The following SSH2 variants were observed in gnomAD, a reference collection of about 807,000 sequenced individuals.
SSH2 encodes the protein protein phosphatase Slingshot homolog 2.
In SSH2, 37 loss-of-function variants were observed where a neutral mutation model predicts 135.2. The ratio of observed to expected loss-of-function variants is 0.27; its 90% confidence interval spans 0.21 to 0.36. The LOEUF is 0.36. Ranked by LOEUF, SSH2 falls within the 10% of genes least tolerant of loss-of-function variation. SSH2 has a pLI of 1.00. For synonymous variants in SSH2, 628 were observed against 646.2 expected (o/e 0.97, Z 0.43); for missense variants, 1,408 against 1,765.3 (o/e 0.80, Z 3.63).
chr17:29,706,944 G>C (rs947979547), intron 3 of SSH2: 1 of 152,190 alleles, frequency 6.6e-6, no homozygotes, highest in African/African-American at 2.4e-5. Context: ...ACGAGGTCAG[G>C]AGATCGAGAC....
intron 2 of SSH2, among the ~76,000 whole-genome samples, chr17:29,839,829 G>A (rs936113186): frequency 2.6e-5 from 4 of 152,178 alleles, no homozygotes; most frequent in African/African-American, 7.2e-5. Context: ...TCCAGCATAA[G>A]TTAAAGAGCA....
intron 1 of SSH2, among the ~76,000 whole-genome samples, chr17:29,882,613 G>A (rs1228693289): frequency 3.0e-5 from 3 of 99,888 alleles, no homozygotes; most frequent in Admixed American, 2.5e-4. Context: ...TTAGCTGGGC[G>A]CAGTGGCGGG....
chr17:29,841,892 A>ATTTTTTTTTT (rs770836134), intron 2 of SSH2, among the ~76,000 whole-genome samples: 18 of 99,650 alleles, frequency 1.8e-4, no homozygotes, highest in African/African-American at 6.2e-4. Context: ...CCCTTGGCTA[A>ATTTTTTTTTT]TTTTTTTTTT....
chr17:29,752,704 T>A (rs945237174), intron 3 of SSH2, among the ~76,000 whole-genome samples: 5 of 152,006 alleles, frequency 3.3e-5, no homozygotes, highest in African/African-American at 1.2e-4. Flanking sequence ...AACTTTTATA[T>A]GGGACGCAAA....
At chr17:29,764,799 T>C (rs980181889) in intron 3 of SSH2, among the ~76,000 whole-genome samples, 2 of 152,204 alleles carry the variant, frequency 1.3e-5, no homozygotes, top group Admixed American at 6.5e-5. Flanking sequence ...AATGCTTAAG[T>C]AGAAAATGCT....
chr17:29,695,678 A>C (rs1459942324), intron 4 of SSH2, among the ~76,000 whole-genome samples, 155 bp from the exon 5 acceptor site: 1 of 152,260 alleles, frequency 6.6e-6, no homozygotes, highest in Non-Finnish European at 1.5e-5. Flanking sequence ...ACTTCTTTTA[A>C]AATGGAAAGA....
chr17:29,870,499 A>C (rs992683741), intron 1 of SSH2, among the ~76,000 whole-genome samples: 1 of 152,222 alleles, frequency 6.6e-6, no homozygotes, highest in Non-Finnish European at 1.5e-5. Flanking sequence ...TGAACTTTGT[A>C]AATGTCTTAC....
At chr17:29,851,217 A>G (rs919872683) in intron 1 of SSH2, among the ~76,000 whole-genome samples, 1 of 152,176 alleles carries the variant, frequency 6.6e-6, no homozygotes, top group African/African-American at 2.4e-5. Flanking sequence ...GCTGTTTTCA[A>G]TCTTCCCAAG....
rs1357217505 is a variant in SSH2 at position 29,930,154 on chromosome 17, C to A, written c.-154G>T. Reference sequence around the variant, plus strand: ...CGCGGGAACGGCCGCAGACTCCGCACCCACCACCAGACTGTCGCCGACTGA... The same window carrying A: ...CGCGGGAACGGCCGCAGACTCCGCAACCACCACCAGACTGTCGCCGACTGA... On this transcript the variant is annotated 5_prime_UTR_variant, in exon 1 of 16. Coordinates refer to ENST00000540801, the MANE Select transcript of SSH2 (RefSeq NM_001282129.2). 7.2e-6 allele frequency: 5 copies of A among 691,396 alleles called. No homozygotes were observed. The Admixed American group carries it at 8.4e-5, about 12-fold the overall frequency. The allele number at this position is 691,396 out of a possible 1,614,324, so 42.8% of individuals were successfully genotyped here. A position where few individuals can be genotyped will look rare whatever the true frequency, so the allele number is the denominator to read the frequency against.
At chr17:29,918,401 T>C (rs773903913) in intron 1 of SSH2, among the ~76,000 whole-genome samples, 1 of 152,226 alleles carries the variant, frequency 6.6e-6, no homozygotes, top group Non-Finnish European at 1.5e-5. Context: ...CCAATGGTTA[T>C]TGTGATGCCT....
chr17:29,928,490 A>G, intron 1 of SSH2: 1 of 398,498 alleles, frequency 2.5e-6, no homozygotes, highest in Non-Finnish European at 4.4e-6. Flanking sequence ...ATGTGCACTC[A>G]CTATTTTGCA....
chr17:29,708,896 G>A, intron 3 of SSH2, among the ~76,000 whole-genome samples: 1 of 150,576 alleles, frequency 6.6e-6, no homozygotes, highest in East Asian at 1.9e-4. Flanking sequence ...ACTCCTGACA[G>A]TGAAGTTCTC....
intron 3 of SSH2, among the ~76,000 whole-genome samples, chr17:29,760,065 G>C (rs2041241524): frequency 6.6e-6 from 1 of 152,038 alleles, no homozygotes; most frequent in East Asian, 1.9e-4. Flanking sequence ...CAACACACGG[G>C]AGAAAAAAAG....
chr17:29,859,601 TG>T (rs1377856795), intron 1 of SSH2, among the ~76,000 whole-genome samples: 5 of 152,186 alleles, frequency 3.3e-5, no homozygotes, highest in Admixed American at 3.3e-4. Context: ...GCTCCATCCA[TG>T]TTCCTGCAAA....
In SSH2 at chr17:29,850,712, G is replaced by A. The variant is rs148484720; in HGVS notation, c.64-1783C>T. ...TATTTAAAATCATTGTTGCCCGAGC[G>A]TGGTGGCTCACGCCTATAATCCCAG... On this transcript the variant is annotated intron_variant, in intron 1 of 15. Coordinates refer to ENST00000540801, the MANE Select transcript of SSH2 (RefSeq NM_001282129.2). Among the ~76,000 whole-genome samples, 240 of 152,276 alleles carry A rather than the reference G, an allele frequency of 1.6e-3. 1 individual carries two copies. The highest frequency in any genetic ancestry group is 5.4e-3 in the African/African-American group (226 of 41,556).
chr17:29,911,731 T>A (rs538169361), intron 1 of SSH2, among the ~76,000 whole-genome samples: 13 of 152,314 alleles, frequency 8.5e-5, no homozygotes, highest in Non-Finnish European at 1.6e-4. Flanking sequence ...GCTTTCTAAT[T>A]TCAACTTCCT....
chr17:29,795,371 T>C (rs1345095356), intron 2 of SSH2, among the ~76,000 whole-genome samples: 1 of 152,244 alleles, frequency 6.6e-6, no homozygotes, highest in Non-Finnish European at 1.5e-5. Context: ...CTGTCTCTCT[T>C]TTTTTATTTT....
chr17:29,913,353 TATATATATATATATATA>T (rs2066816152), intron 1 of SSH2, among the ~76,000 whole-genome samples: 1 of 28,580 alleles, frequency 3.5e-5, no homozygotes, highest in African/African-American at 1.0e-4. Context: ...AAAAAATATA[TATATATATATATATATA>T]TATATATATA....
At chr17:29,872,879 C>T (rs1352165271) in intron 1 of SSH2, among the ~76,000 whole-genome samples, 1 of 151,814 alleles carries the variant, frequency 6.6e-6, no homozygotes, top group African/African-American at 2.4e-5. Context: ...GCCTATAATC[C>T]CAGCTACTCA....
Sources: allele counts gnomAD v4.1 joint callset (sites outside exome capture counted in the v4.1 genomes callset), GRCh38; gene constraint gnomAD v4.1.1; transcripts MANE v1.5; gene names NCBI Gene and HGNC (gene_info 2026-07-23, HGNC 2026-07-21).